Variants in SUGCT observed in about 807,000 individuals in gnomAD.
SUGCT encodes succinyl-CoA:glutarate-CoA transferase.
Under a neutral mutation model 55.0 loss-of-function variants are expected in SUGCT, and 41 were observed. The observed-to-expected ratio is 0.74, with a 90% CI of 0.58 to 0.97. The LOEUF is 0.97. Ranked by LOEUF, SUGCT falls within the 50% of genes least tolerant of loss-of-function variation. The pLI is 0.00. For synonymous variants in SUGCT, 187 were observed against 200.4 expected (o/e 0.93, Z 0.56); for missense variants, 568 against 547.8 (o/e 1.04, Z -0.37).
intron 12 of SUGCT, among the ~76,000 whole-genome samples, chr7:40,700,299 A>G (rs1194886327): frequency 6.6e-6 from 1 of 152,148 alleles, no homozygotes; most frequent in Non-Finnish European, 1.5e-5. Flanking sequence ...AGATCCCTCA[A>G]GCATTCAGGA....
rs185958599 is a variant in SUGCT, at chr7:40,821,093, C to G, written c.1154-39223C>G. Among the ~76,000 whole-genome samples, 565 of 152,280 alleles carry G rather than the reference C, an allele frequency of 3.7e-3. 3 individuals are homozygous for G. The highest frequency in any genetic ancestry group is 6.1e-3 in the Non-Finnish European group (418 of 68,030). ...ATTGATTTGCATATGTTGAGCCAACCTTGCATCCCAGGGATGAAGCCCACT... is the reference window on the plus strand; with the variant it reads ...ATTGATTTGCATATGTTGAGCCAACGTTGCATCCCAGGGATGAAGCCCACT... On this transcript the variant is annotated intron_variant, in intron 13 of 13. Transcript: ENST00000335693.
At chr7:40,300,517 T>C (rs1794467268) in intron 8 of SUGCT, among the ~76,000 whole-genome samples, 1 of 152,356 alleles carries the variant, frequency 6.6e-6, no homozygotes, top group Non-Finnish European at 1.5e-5. Context: ...CCTTAAGGGT[T>C]TTATCATATT....
chr7:40,671,577 T>C (rs1000012756), intron 12 of SUGCT, among the ~76,000 whole-genome samples: 1 of 152,304 alleles, frequency 6.6e-6, no homozygotes, highest in African/African-American at 2.4e-5. Context: ...GCAGTGTACA[T>C]GTGGACACCA....
intron 12 of SUGCT, among the ~76,000 whole-genome samples, chr7:40,746,664 T>C (rs982213347): frequency 3.9e-5 from 6 of 152,228 alleles, no homozygotes; most frequent in Non-Finnish European, 8.8e-5. Context: ...GTACGCTCTT[T>C]AAACTGCTTC....
intron 9 of SUGCT, among the ~76,000 whole-genome samples, chr7:40,363,800 G>A (rs1044973870): frequency 1.3e-5 from 2 of 152,092 alleles, no homozygotes; most frequent in Admixed American, 6.6e-5. Flanking sequence ...TTGATTTGGG[G>A]TGGAGAGTTC....
At chr7:40,954,978 T>C in the SUGCT span, among the ~76,000 whole-genome samples, 2 of 152,164 alleles carry the variant, frequency 1.3e-5, no homozygotes, top group Non-Finnish European at 2.9e-5. Context: ...GAGGTCTCTG[T>C]TCTGTTCAAT....
chr7:40,165,179 A>G (rs1784360514), intron 1 of SUGCT, among the ~76,000 whole-genome samples: 1 of 152,168 alleles, frequency 6.6e-6, no homozygotes, highest in South Asian at 2.1e-4. Flanking sequence ...ATTTTGGTGT[A>G]TATCACAGGT....
intron 12 of SUGCT, among the ~76,000 whole-genome samples, chr7:40,711,609 C>A (rs1785726170): frequency 6.6e-6 from 1 of 152,302 alleles, no homozygotes; most frequent in Non-Finnish European, 1.5e-5. Context: ...ATACCCATTT[C>A]TCTTTCCTAT....
chr7:40,683,605 G>C (rs534387371), intron 12 of SUGCT, among the ~76,000 whole-genome samples: 1 of 152,300 alleles, frequency 6.6e-6, no homozygotes, highest in South Asian at 2.1e-4. Context: ...ATCAGCCTGT[G>C]ATGGCAAGAT....
intron 9 of SUGCT, among the ~76,000 whole-genome samples, chr7:40,390,486 T>G (rs1251975791): frequency 6.6e-6 from 1 of 152,052 alleles, no homozygotes; most frequent in Non-Finnish European, 1.5e-5. Flanking sequence ...TCCTATACAC[T>G]GATAACAGAC....
At chr7:40,524,651 C>A (rs1353290123) in intron 12 of SUGCT, among the ~76,000 whole-genome samples, 5 of 151,988 alleles carry the variant, frequency 3.3e-5, no homozygotes, top group Non-Finnish European at 7.4e-5. Context: ...GTTAAAATTT[C>A]TTTCTGTTTC....
chr7:40,752,690 G>A (rs1358036997), intron 13 of SUGCT, among the ~76,000 whole-genome samples: 2 of 152,104 alleles, frequency 1.3e-5, no homozygotes, highest in African/African-American at 4.8e-5. Context: ...AAAAGGGTGG[G>A]GAAATACATG....
chr7:40,629,209 T>C (rs777026631), intron 12 of SUGCT, among the ~76,000 whole-genome samples: 3 of 152,190 alleles, frequency 2.0e-5, no homozygotes, highest in Non-Finnish European at 4.4e-5. Flanking sequence ...CTAAGCATAA[T>C]TTATGTGGTT....
At chr7:40,377,177 TC>T (rs1173487958) in intron 9 of SUGCT, among the ~76,000 whole-genome samples, 1 of 16,718 alleles carries the variant, frequency 6.0e-5, no homozygotes, top group African/African-American at 9.2e-5. Context: ...TTTCTTTCTT[TC>T]TTTCTTTCTT....
At chr7:40,443,171 C>T (rs1192637857) in intron 9 of SUGCT, among the ~76,000 whole-genome samples, 9 of 152,116 alleles carry the variant, frequency 5.9e-5, no homozygotes, top group South Asian at 2.1e-4. Flanking sequence ...TGAATAGTGC[C>T]GCAGTAAACA....
intron 7 of SUGCT, among the ~76,000 whole-genome samples, chr7:40,253,680 A>G (rs1790602178): frequency 1.3e-5 from 2 of 151,950 alleles, no homozygotes; most frequent in Admixed American, 1.3e-4. Context: ...GCCACCACGC[A>G]CGGCTAATTT....
chr7:40,562,399 G>A lies in SUGCT; in HGVS notation c.1089+66013G>A, dbSNP rs113266661. Reference sequence around the variant, plus strand: ...GACGTGTAAAGACTGAGGCAATGAGGTGTAAAATGGTGTAGGATGCTGGTG... The same window carrying A: ...GACGTGTAAAGACTGAGGCAATGAGATGTAAAATGGTGTAGGATGCTGGTG... On this transcript the variant is annotated intron_variant, in intron 12 of 13. Coordinates refer to ENST00000335693, the MANE Select transcript of SUGCT (RefSeq NM_001193313.2). 6.8e-3 allele frequency among the ~76,000 whole-genome samples: 1,031 copies of A among 152,266 alleles called. 17 individuals are homozygous for A. The highest frequency in any genetic ancestry group is 0.023 in the African/African-American group (958 of 41,556).
chr7:40,999,295 AC>A, the SUGCT span, among the ~76,000 whole-genome samples: 3,201 of 152,078 alleles, frequency 0.021, 107 homozygotes, highest in African/African-American at 0.073. Context: ...AGATGAAAAG[AC>A]TTGACAAACA....
chr7:40,322,449 A>C (rs1397476423), intron 9 of SUGCT, among the ~76,000 whole-genome samples: 1 of 152,166 alleles, frequency 6.6e-6, no homozygotes. Flanking sequence ...CCAAGGGGCA[A>C]GCTGATGTGA....
Sources: gnomAD v4.1 joint callset for allele counts (sites outside exome capture counted in the v4.1 genomes callset) on GRCh38, gnomAD v4.1.1 for gene constraint, MANE v1.5 for transcripts, NCBI Gene and HGNC (gene_info 2026-07-23, HGNC 2026-07-21) for gene names.